CLN3: variants seen among roughly 807,000 people sequenced by gnomAD.
CLN3 encodes CLN3 lysosomal/endosomal transmembrane protein, battenin.
Under a neutral mutation model 60.7 loss-of-function variants are expected in CLN3, and 49 were observed. The observed-to-expected ratio is 0.81, with a 90% confidence interval of 0.64 to 1.02. The LOEUF (loss-of-function observed/expected upper bound fraction) is 1.02. CLN3 is among the 50% of genes least tolerant of loss of function. The probability of loss-of-function intolerance (pLI) is 0.00; values close to 1 mark genes in which losing one functional copy is unlikely to be tolerated. For synonymous variants in CLN3, 256 were observed against 245.8 expected (o/e 1.04, Z -0.39); for missense variants, 516 against 557.4 (o/e 0.93, Z 0.75).
downstream of CLN3, chr16:28,476,068 G>A (rs773152950): frequency 4.0e-5 from 6 of 151,888 alleles, no homozygotes; most frequent in East Asian, 3.9e-4. Context: ...TATATTTTTC[G>A]TAGAGACGGG....
rs1423869158 is a variant in CLN3, at chr16:28,481,274, T to G, written c.1056+831A>C. Among the ~76,000 whole-genome samples, 3 of 152,082 alleles carry G rather than the reference T, an allele frequency of 2.0e-5. No homozygotes were observed. The East Asian group carries it at 5.8e-4, about 29-fold the overall frequency. ...ACAGGTGTGCGCCACTGCACCTGGC[T>G]AATTTTTGTAGAGATGTGATTGTGC... On this transcript the variant is annotated intron_variant, in intron 14 of 15. Transcript: ENST00000636147.
At position 28,488,602 on chromosome 16, in the gene CLN3, C is replaced by CA. The variant is rs1567262415; in HGVS notation, c.282dup (p.Val95CysfsTer65). The CA allele has an allele frequency of 6.2e-7, 1 of 1,614,156 alleles. No homozygotes were observed. Among genetic ancestry groups the CA allele is most frequent in the Admixed American group, 1.7e-5 (1 of 60,012 alleles). ...AGATGAGTACGCACAGCCGTAGAGA[C>CA]AGAGTTGCAGTCAAATCGTGATGAG... On this transcript the variant is annotated frameshift_variant, in exon 5 of 16. Transcript: ENST00000636147. LOFTEE classifies it high-confidence loss of function.
At chr16:28,491,014 G>A (rs1377796138) in intron 3 of CLN3, 1 of 155,078 alleles carries the variant, frequency 6.4e-6, no homozygotes, top group Non-Finnish European at 1.4e-5. Context: ...AGGCTGCAGG[G>A]AGCTGTGATT....
chr16:28,486,459 C>A lies in CLN3; in HGVS notation c.565G>T (p.Gly189Trp), dbSNP rs386833731. Residue 189 changes from glycine to tryptophan, a missense_variant, in exon 9 of 16, where the codon GGG becomes TGG. Gly to Trp is a radical substitution (Grantham distance 184, BLOSUM62 -2). Coordinates refer to ENST00000636147, the MANE Select transcript of CLN3 (RefSeq NM_001042432.2). ...AGGGCCCCCAGCAGCCCAGCTCCCC[C>A]AGTCCCTGAGGACCACCAGGAGATC... The part of the protein sequence containing the change: ...AVISWWSSGT[G>W]GAGLLGALSY... 2 of 1,613,346 alleles carry A rather than the reference C, an allele frequency of 1.2e-6. No homozygotes were observed. The highest frequency in any genetic ancestry group is 1.7e-6 in the Non-Finnish European group (2 of 1,179,798).
At chr16:28,481,130 G>A (rs2046082594) in intron 14 of CLN3, among the ~76,000 whole-genome samples, 2 of 151,958 alleles carry the variant, frequency 1.3e-5, no homozygotes, top group Non-Finnish European at 2.9e-5. Flanking sequence ...CTTTTTCTGG[G>A]AGACAGGGTC....
intron 14 of CLN3, among the ~76,000 whole-genome samples, chr16:28,478,095 C>T (rs2046027111): frequency 2.0e-5 from 3 of 152,012 alleles, no homozygotes; most frequent in South Asian, 2.1e-4. Context: ...GTCAGGATTT[C>T]GAGACCAGCC....
At position 28,486,572 on chromosome 16, in the gene CLN3, G is replaced by A. The variant is rs2141712792; in HGVS notation, c.533+6C>T. On this transcript the variant is annotated splice_donor_region_variant and intron_variant, in intron 8 of 15. Transcript: ENST00000636147. ...TCTCCCCACACTCCCTGCTCCACCTGCTTACCTGGGGTAGAAGGCAGTGAG... is the reference window on the plus strand; with the variant it reads ...TCTCCCCACACTCCCTGCTCCACCTACTTACCTGGGGTAGAAGGCAGTGAG... The A allele has an allele frequency of 1.2e-6, 2 of 1,610,092 alleles. No homozygotes were observed. Among genetic ancestry groups the A allele is most frequent in the Admixed American group, 1.7e-5 (1 of 59,454 alleles).
At chr16:28,491,137 T>A (rs1472479666) in intron 3 of CLN3, 2 of 275,662 alleles carry the variant, frequency 7.3e-6, no homozygotes, top group African/African-American at 2.2e-5. Flanking sequence ...TAGTGATGCA[T>A]TTATTTAAAC....
downstream of CLN3, among the ~76,000 whole-genome samples, chr16:28,472,773 C>A (rs1259463872): frequency 7.4e-6 from 1 of 135,594 alleles, no homozygotes; most frequent in East Asian, 2.2e-4. Context: ...ACCCGGGAGT[C>A]TGGGCAAAAA....
chr16:28,491,347 G>T, intron 3 of CLN3, 135 bp downstream of exon 3: 1 of 1,296,514 alleles, frequency 7.7e-7, no homozygotes, highest in Non-Finnish European at 1.1e-6. Flanking sequence ...TGCTGCCCCT[G>T]GGGCAAACCA....
Position 28,490,460 on chromosome 16 carries a change from TAA to T in CLN3, c.125+1020_125+1021del, listed in dbSNP as rs35681318. On this transcript the variant is annotated intron_variant, in intron 3 of 15. Transcript: ENST00000636147. ...CTCTGTCTCAAAAATAAAATAAAAT[TAA>T]AAAAAAAAAAAAAAAAAGCTGGGCG... The T allele has an allele frequency of 4.2e-3, 418 of 98,728 alleles. 2 individuals are homozygous for T. The highest frequency in any genetic ancestry group is 0.024 in the South Asian group (63 of 2,670). 6.1% of individuals were successfully genotyped at this position (98,728 alleles called of 1,614,324 possible). A position where few individuals can be genotyped will look rare whatever the true frequency, so the allele number is the denominator to read the frequency against.
In CLN3 at chr16:28,488,587, G is replaced by T. The variant is rs1450357653; in HGVS notation, c.294+4C>A. On this transcript the variant is annotated splice_donor_region_variant and intron_variant, in intron 5 of 15. Transcript: ENST00000636147. ...GGCAAGGACCAGGTGAGATGAGTAC[G>T]CACAGCCGTAGAGACAGAGTTGCAG... 1 of 1,613,720 alleles carries T rather than the reference G, an allele frequency of 6.2e-7. No individual in the cohort carries two copies. Among genetic ancestry groups the T allele is most frequent in the Non-Finnish European group, 8.5e-7 (1 of 1,179,814 alleles).
intron 4 of CLN3, 118 bp from the exon 5 acceptor site, chr16:28,488,780 C>G: frequency 1.1e-6 from 1 of 923,188 alleles, no homozygotes; most frequent in Non-Finnish European, 1.8e-6. Flanking sequence ...CAGTGACTGA[C>G]TTCTCAGGAC....
chr16:28,488,748 T>C, intron 4 of CLN3, 86 bp from the exon 5 acceptor site: 1 of 1,340,552 alleles, frequency 7.5e-7, no homozygotes, highest in South Asian at 1.2e-5. Context: ...CTGCCTTCAC[T>C]TGAAGGATGG....
chr16:28,486,031 T>C (rs1334393622), intron 9 of CLN3, among the ~76,000 whole-genome samples: 9 of 151,216 alleles, frequency 6.0e-5, no homozygotes, highest in Admixed American at 6.6e-5. Context: ...AGAGTCTAAC[T>C]CTGTCGCCCG....
In CLN3 at chr16:28,477,809, G is replaced by A. The variant is rs2046022153; in HGVS notation, c.1125C>T (p.Phe375=). ...GGAGCCCCTCATACAGAATGATCAG[G>A]AAGACGAGGTAGATGCTTGGCAGAA... The part of the protein sequence containing the change: ...FGFLPSIYLV[F]LIILYEGLLG... The change falls in exon 15 of 16, where the codon TTC becomes TTT. Residue 375 remains phenylalanine, a synonymous_variant. Coordinates refer to ENST00000636147, the MANE Select transcript of CLN3 (RefSeq NM_001042432.2). 2 of 1,614,208 alleles carry A rather than the reference G, an allele frequency of 1.2e-6. No individual in the cohort carries two copies. The highest frequency in any genetic ancestry group is 1.7e-6 in the Non-Finnish European group (2 of 1,180,050).
At chr16:28,478,558 G>C (rs1388577587) in intron 14 of CLN3, among the ~76,000 whole-genome samples, 1 of 142,524 alleles carries the variant, frequency 7.0e-6, no homozygotes, top group Non-Finnish European at 1.5e-5. Flanking sequence ...GGAGGCTGCA[G>C]TAAGCTATGA....
At chr16:28,468,373 G>A in the CLN3 span, among the ~76,000 whole-genome samples, 1 of 141,358 alleles carries the variant, frequency 7.1e-6, no homozygotes, top group Non-Finnish European at 1.6e-5. Flanking sequence ...TATATCACAT[G>A]GTAAAAGAAT....
chr16:28,477,901 G>A (rs1380271895), intron 14 of CLN3, 24 bp from the exon 15 acceptor site: 1 of 1,612,774 alleles, frequency 6.2e-7, no homozygotes, highest in Non-Finnish European at 8.5e-7. Flanking sequence ...GAGAGGCTAA[G>A]CCTGGGACCA....
Sources: allele counts gnomAD v4.1 joint callset (sites outside exome capture counted in the v4.1 genomes callset), GRCh38; gene constraint gnomAD v4.1.1; transcripts MANE v1.5; gene names NCBI Gene and HGNC (gene_info 2026-07-23, HGNC 2026-07-21).